SYNPR: variants seen among roughly 807,000 people sequenced by gnomAD.
SYNPR encodes synaptoporin.
SYNPR carries 23 observed loss-of-function variants against 32.9 expected under a neutral mutation model. The observed-to-expected ratio is 0.70, with a 90% CI of 0.50 to 0.99. The LOEUF (loss-of-function observed/expected upper bound fraction) is 0.99, where lower values mean the gene tolerates loss of function less well. SYNPR is among the 50% of genes least tolerant of loss of function. The pLI is 0.00. For missense variants in SYNPR, 318 were observed against 349.3 expected, an observed-to-expected ratio of 0.91 and a Z score of 0.71; for synonymous variants, 146 against 135.9, an observed-to-expected ratio of 1.07 and a Z score of -0.52.
chr3:63,585,150 T>C (rs2106867679), intron 4 of SYNPR, among the ~76,000 whole-genome samples: 1 of 152,256 alleles, frequency 6.6e-6, no homozygotes, highest in Middle Eastern at 3.4e-3. Context: ...GCAAAAAAAC[T>C]GTGAATGTGA....
At chr3:63,245,882 A>C (rs901952230) in intron 1 of SYNPR, among the ~76,000 whole-genome samples, 14 of 151,990 alleles carry the variant, frequency 9.2e-5, no homozygotes, top group Non-Finnish European at 1.0e-4. Context: ...AATATTCATT[A>C]AATTTGCTCC....
chr3:63,512,032 T>TGACACA (rs201905855), intron 3 of SYNPR, among the ~76,000 whole-genome samples: 3,433 of 152,256 alleles, frequency 0.023, 73 homozygotes, highest in Non-Finnish European at 0.032. Flanking sequence ...ATCTGATTAC[T>TGACACA]GACACAGACA....
chr3:63,577,916 T>C (rs376581159), intron 4 of SYNPR, among the ~76,000 whole-genome samples: 55 of 152,210 alleles, frequency 3.6e-4, no homozygotes, highest in South Asian at 2.9e-3. Context: ...CTGCTGGTAA[T>C]AGAGGCAAGG....
intron 2 of SYNPR, among the ~76,000 whole-genome samples, chr3:63,264,401 A>AAAG (rs887703960): frequency 1.2e-4 from 19 of 152,046 alleles, no homozygotes; most frequent in Middle Eastern, 3.2e-3. Context: ...TGTTTGAAAA[A>AAAG]AATCATTTCA....
At chr3:63,316,322 T>C (rs1247910833) in intron 2 of SYNPR, among the ~76,000 whole-genome samples, 1 of 152,000 alleles carries the variant, frequency 6.6e-6, no homozygotes, top group African/African-American at 2.4e-5. Context: ...CCAATTCTTC[T>C]TTGAATGTCT....
chr3:63,421,219 G>C (rs990321218), intron 2 of SYNPR, among the ~76,000 whole-genome samples: 3 of 152,060 alleles, frequency 2.0e-5, no homozygotes, highest in African/African-American at 7.2e-5. Context: ...TGCTCAGGTA[G>C]ATAACACAAT....
chr3:63,601,359 T>A (rs1259230636), intron 4 of SYNPR, among the ~76,000 whole-genome samples: 3 of 152,206 alleles, frequency 2.0e-5, no homozygotes, highest in Admixed American at 6.5e-5. Context: ...TTTTTTAAAC[T>A]TTTATTTTAT....
At chr3:63,258,847 G>T (rs990791628) in intron 2 of SYNPR, among the ~76,000 whole-genome samples, 2 of 152,148 alleles carry the variant, frequency 1.3e-5, no homozygotes, top group African/African-American at 4.8e-5. Context: ...AAGAAGAAAA[G>T]AGAGAAGAAT....
At chr3:63,246,748 G>T (rs1327858650) in intron 1 of SYNPR, among the ~76,000 whole-genome samples, 1 of 152,000 alleles carries the variant, frequency 6.6e-6, no homozygotes, top group Non-Finnish European at 1.5e-5. Flanking sequence ...TTGAAATGCT[G>T]TACGGGGCCT....
intron 2 of SYNPR, among the ~76,000 whole-genome samples, chr3:63,424,373 A>C (rs1163763409): frequency 6.6e-6 from 1 of 152,148 alleles, no homozygotes; most frequent in African/African-American, 2.4e-5. Context: ...TCTATATTGA[A>C]ATCCTGGCCC....
At chr3:63,512,015 C>A (rs1505584) in intron 3 of SYNPR, among the ~76,000 whole-genome samples, 1 of 150,966 alleles carries the variant, frequency 6.6e-6, no homozygotes, top group Non-Finnish European at 1.5e-5. Context: ...TAGACATATA[C>A]GAACATATCT....
chr3:63,408,365 AAAGAAAGAAAGAAAG>A (rs2088416399), intron 2 of SYNPR, among the ~76,000 whole-genome samples: 2 of 151,174 alleles, frequency 1.3e-5, no homozygotes, highest in Admixed American at 6.6e-5. Context: ...AGAAAGAAAG[AAAGAAAGAAAGAAAG>A]AAAAGGAAGG....
intron 4 of SYNPR, among the ~76,000 whole-genome samples, chr3:63,603,559 G>T (rs1575733251): frequency 6.6e-6 from 1 of 152,296 alleles, no homozygotes; most frequent in East Asian, 1.9e-4. Flanking sequence ...ATGAAGGGAA[G>T]TTGAATTTTA....
chr3:63,594,184 C>A (rs751733639), intron 4 of SYNPR, among the ~76,000 whole-genome samples: 1 of 152,076 alleles, frequency 6.6e-6, no homozygotes, highest in African/African-American at 2.4e-5. Context: ...ATATGGTAGA[C>A]CTTCATTCAA....
intron 2 of SYNPR, among the ~76,000 whole-genome samples, chr3:63,416,562 A>AC (rs1560224280): frequency 6.6e-6 from 1 of 151,498 alleles, no homozygotes; most frequent in Non-Finnish European, 1.5e-5. Flanking sequence ...ACCAAAAAAA[A>AC]ACACAGAAGT....
chr3:63,515,597 G>A (rs1701781449), intron 3 of SYNPR, among the ~76,000 whole-genome samples: 1 of 152,040 alleles, frequency 6.6e-6, no homozygotes, highest in African/African-American at 2.4e-5. Flanking sequence ...ATGGAAATTG[G>A]GGTATATTCA....
chr3:63,293,281 G>C (rs946667101), intron 2 of SYNPR, among the ~76,000 whole-genome samples: 1 of 152,056 alleles, frequency 6.6e-6, no homozygotes, highest in African/African-American at 2.4e-5. Flanking sequence ...TGTCTGCTTT[G>C]CTGCCAAATA....
Position 63,498,939 on chromosome 3 carries a change from C to G in SYNPR, c.209+17983C>G, listed in dbSNP as rs539146952. On this transcript the variant is annotated intron_variant, in intron 3 of 5. Transcript: ENST00000478300. ...GACCAGCCCGGGCAACATAGTGGGA[C>G]CTCACCTCTAAAAAAAAAAAAAAAG... Among the ~76,000 whole-genome samples, 236 of 137,112 alleles carry G rather than the reference C, an allele frequency of 1.7e-3. 1 individual carries two copies. Among genetic ancestry groups the G allele is most frequent in the African/African-American group, 6.7e-3 (229 of 34,278 alleles). 90.0% of individuals were successfully genotyped at this position (137,112 alleles called of 152,430 possible). A position where few individuals can be genotyped will look rare whatever the true frequency, so the allele number is the denominator to read the frequency against.
intron 2 of SYNPR, among the ~76,000 whole-genome samples, chr3:63,294,942 G>T (rs963848123): frequency 6.6e-6 from 1 of 152,072 alleles, no homozygotes; most frequent in African/African-American, 2.4e-5. Context: ...TGGATTTGAG[G>T]CACTTGAAAT....
Sources: allele counts gnomAD v4.1 joint callset (sites outside exome capture counted in the v4.1 genomes callset), GRCh38; gene constraint gnomAD v4.1.1; transcripts MANE v1.5; gene names NCBI Gene and HGNC (gene_info 2026-07-23, HGNC 2026-07-21).